Variants in TP63 observed in about 807,000 individuals in gnomAD.
TP63 encodes the protein tumor protein 63.
In TP63, 17 loss-of-function variants were observed where a neutral mutation model predicts 82.8. That is an observed-to-expected ratio of 0.21 (90% CI 0.14 to 0.31). The LOEUF (loss-of-function observed/expected upper bound fraction) is 0.31. Ranked by LOEUF, TP63 falls within the 10% of genes least tolerant of loss-of-function variation. TP63 has a pLI of 1.00. For synonymous variants in TP63, 330 were observed against 321.7 expected (o/e 1.03, Z -0.28); for missense variants, 648 against 895.3 (o/e 0.72, Z 3.52).
At chr3:189,611,745 C>A in the TP63 span, among the ~76,000 whole-genome samples, 1 of 152,094 alleles carries the variant, frequency 6.6e-6, no homozygotes, top group African/African-American at 2.4e-5. Context: ...GATATTGATT[C>A]TTTCTATTTA....
intron 1 of TP63, among the ~76,000 whole-genome samples, chr3:189,668,525 G>T (rs1456262173): frequency 2.0e-5 from 3 of 152,034 alleles, no homozygotes; most frequent in Non-Finnish European, 4.4e-5. Context: ...CTTTACAGAT[G>T]ACTGAAGGTA....
chr3:189,894,180 C>G (rs757218745), intron 13 of TP63, 26 bp from the exon 14 acceptor site: 4 of 1,614,032 alleles, frequency 2.5e-6, no homozygotes, highest in Non-Finnish European at 3.4e-6. Context: ...TTTTCATTCT[C>G]CATGACACCT....
At chr3:189,640,126 AT>A (rs1467034417) in intron 1 of TP63, among the ~76,000 whole-genome samples, 3 of 152,148 alleles carry the variant, frequency 2.0e-5, no homozygotes, top group Middle Eastern at 3.2e-3. Flanking sequence ...TGAATATATT[AT>A]TCATTAAAGC....
At chr3:189,612,640 G>GT in the TP63 span, among the ~76,000 whole-genome samples, 1 of 152,236 alleles carries the variant, frequency 6.6e-6, no homozygotes, top group South Asian at 2.1e-4. Flanking sequence ...AGAGGCAGAG[G>GT]TTGGAAGAGT....
chr3:189,738,757 C>T lies in TP63; in HGVS notation c.307C>T (p.Leu103=), dbSNP rs749224981. 27 of 1,614,080 alleles carry T rather than the reference C, an allele frequency of 1.7e-5. No homozygotes were observed. The highest frequency in any genetic ancestry group is 2.1e-5 in the Non-Finnish European group (25 of 1,179,990). ...CTGTATCCGCATGCAGGACTCGGAC[C>T]TGAGTGACCCCATGTGGGTGAGTGG... The part of the protein sequence containing the change: ...MDCIRMQDSD[L]SDPMWPQYTN... Residue 103 remains leucine, a synonymous_variant, in exon 3 of 14, where the codon CTG becomes TTG. Coordinates refer to ENST00000264731, the MANE Select transcript of TP63 (RefSeq NM_003722.5).
At chr3:189,692,174 A>T (rs1023824153) in intron 1 of TP63, among the ~76,000 whole-genome samples, 6 of 152,244 alleles carry the variant, frequency 3.9e-5, no homozygotes, top group Admixed American at 3.3e-4. Flanking sequence ...TTACCTCTAC[A>T]CACCAGTATT....
the TP63 span, among the ~76,000 whole-genome samples, chr3:189,600,759 A>G: frequency 6.6e-6 from 1 of 152,226 alleles, no homozygotes; most frequent in Non-Finnish European, 1.5e-5. Context: ...TTACAAAAGT[A>G]GGTTCAATAA....
chr3:189,683,037 A>G (rs1051412492), intron 1 of TP63, among the ~76,000 whole-genome samples: 13 of 152,220 alleles, frequency 8.5e-5, no homozygotes, highest in African/African-American at 2.7e-4. Context: ...TATTTCCATT[A>G]TACAGATGAG....
At chr3:189,815,442 CA>C (rs1291514514) in intron 4 of TP63, among the ~76,000 whole-genome samples, 1 of 152,130 alleles carries the variant, frequency 6.6e-6, no homozygotes, top group African/African-American at 2.4e-5. Context: ...TCTACAAGGA[CA>C]TCTGCTTTAC....
chr3:189,806,921 T>C (rs1025439866), intron 3 of TP63, among the ~76,000 whole-genome samples: 1 of 152,182 alleles, frequency 6.6e-6, no homozygotes, highest in Admixed American at 6.6e-5. Context: ...AGTTTGAAAT[T>C]TTTAAAAAGA....
chr3:189,679,962 T>C (rs974466551), intron 1 of TP63, among the ~76,000 whole-genome samples: 3 of 152,180 alleles, frequency 2.0e-5, no homozygotes, highest in African/African-American at 7.2e-5. Flanking sequence ...TCTATTCTGT[T>C]CCATTTGGTA....
chr3:189,737,951 GT>G, intron 2 of TP63, 83 bp downstream of exon 2: 4 of 1,537,490 alleles, frequency 2.6e-6, no homozygotes, highest in South Asian at 1.1e-5. Context: ...ACTAGGGCAT[GT>G]TTTTTCTAGA....
chr3:189,792,945 G>T (rs1725308024), intron 3 of TP63, among the ~76,000 whole-genome samples: 1 of 152,042 alleles, frequency 6.6e-6, no homozygotes, highest in African/African-American at 2.4e-5. Flanking sequence ...CCATTTAAAA[G>T]ATATGGGTGT....
intron 1 of TP63, among the ~76,000 whole-genome samples, chr3:189,636,082 T>G (rs1309465780): frequency 6.6e-6 from 1 of 152,122 alleles, no homozygotes; most frequent in Admixed American, 6.6e-5. Context: ...AGTTACAGTT[T>G]ATCTTCAGCA....
chr3:189,756,440 G>A (rs9851375), intron 3 of TP63, among the ~76,000 whole-genome samples: 6,240 of 152,270 alleles, frequency 0.041, 138 homozygotes, highest in South Asian at 0.058. Context: ...GCAGCACTTT[G>A]TTAAAGAGTG....
intron 3 of TP63, among the ~76,000 whole-genome samples, chr3:189,742,016 G>A (rs1721021514): frequency 6.6e-6 from 1 of 152,112 alleles, no homozygotes; most frequent in African/African-American, 2.4e-5. Flanking sequence ...GCCGAGGTGT[G>A]TGGATCACCT....
At chr3:189,742,411 AT>A (rs59762061) in intron 3 of TP63, among the ~76,000 whole-genome samples, 40,516 of 148,004 alleles carry the variant, frequency 0.27, 5,641 homozygotes, top group East Asian at 0.47. Flanking sequence ...TACTTTCGCA[AT>A]TTTTTTTTTT....
chr3:189,862,823 G>A (rs576141737), intron 4 of TP63, among the ~76,000 whole-genome samples: 1 of 152,216 alleles, frequency 6.6e-6, no homozygotes, highest in South Asian at 2.1e-4. Context: ...TTGAAGTTTG[G>A]CATGTTTCCT....
At chr3:189,794,943 G>C (rs1725543880) in intron 3 of TP63, among the ~76,000 whole-genome samples, 1 of 152,000 alleles carries the variant, frequency 6.6e-6, no homozygotes, top group Admixed American at 6.6e-5. Flanking sequence ...TCTGCCCAGT[G>C]CTCTTTTTAA....
Sources: allele counts gnomAD v4.1 joint callset (sites outside exome capture counted in the v4.1 genomes callset), GRCh38; gene constraint gnomAD v4.1.1; transcripts MANE v1.5; gene names NCBI Gene and HGNC (gene_info 2026-07-23, HGNC 2026-07-21).